The following FAM227B variants were observed in gnomAD, a reference collection of about 807,000 sequenced individuals.
FAM227B encodes the protein protein FAM227B.
In FAM227B, 88 loss-of-function variants were observed where a neutral mutation model predicts 73.8. The ratio of observed to expected loss-of-function variants is 1.19; its 90% CI spans 1.00 to 1.42. The LOEUF is 1.42. FAM227B is among the 40% of genes most tolerant of loss of function. The pLI, the probability that FAM227B is intolerant of heterozygous loss-of-function variation, is 0.00. For synonymous variants in FAM227B, 210 were observed against 190.5 expected, an observed-to-expected ratio of 1.10 and a Z score of -0.84; for missense variants, 632 against 590.9, an observed-to-expected ratio of 1.07 and a Z score of -0.72.
chr15:49,559,819 C>A (rs1403154442), intron 9 of FAM227B, among the ~76,000 whole-genome samples: 1 of 152,008 alleles, frequency 6.6e-6, no homozygotes, highest in Non-Finnish European at 1.5e-5. Flanking sequence ...CCTGTAATCC[C>A]AGATACTCAG....
intron 11 of FAM227B, among the ~76,000 whole-genome samples, chr15:49,489,689 T>C (rs552562592): frequency 7.4e-5 from 11 of 148,688 alleles, no homozygotes; most frequent in Non-Finnish European, 1.6e-4. Context: ...GAATAAGACC[T>C]AAAAAGACTT....
chr15:49,592,868 T>C (rs1227208631), intron 3 of FAM227B, among the ~76,000 whole-genome samples: 3 of 152,144 alleles, frequency 2.0e-5, no homozygotes, highest in Non-Finnish European at 4.4e-5. Flanking sequence ...CCTGCCCACT[T>C]TGTTTACCTA....
chr15:49,471,512 A>AAT (rs1489087779), intron 11 of FAM227B, among the ~76,000 whole-genome samples: 1 of 148,032 alleles, frequency 6.8e-6, no homozygotes, highest in East Asian at 2.0e-4. Flanking sequence ...TAATAATAAT[A>AAT]ATAATAATAA....
chr15:49,396,027 C>T (rs908641589), intron 11 of FAM227B: 4 of 454,244 alleles, frequency 8.8e-6, no homozygotes, highest in African/African-American at 4.0e-5. Context: ...CTCCGGTCTA[C>T]AGCTCCCAGC....
intron 11 of FAM227B, among the ~76,000 whole-genome samples, chr15:49,397,346 T>C (rs1240521039): frequency 2.0e-5 from 3 of 152,064 alleles, no homozygotes; most frequent in Admixed American, 2.0e-4. Flanking sequence ...ATGGGGGCTA[T>C]GTGAAAAGAC....
intron 11 of FAM227B, among the ~76,000 whole-genome samples, chr15:49,439,429 T>TG (rs1004861489): frequency 7.3e-5 from 11 of 151,698 alleles, no homozygotes; most frequent in Non-Finnish European, 1.5e-4. Context: ...TAGTAAAACG[T>TG]GGGGGGAGGG....
intron 11 of FAM227B, among the ~76,000 whole-genome samples, chr15:49,501,215 G>A (rs1958344809): frequency 6.6e-6 from 1 of 152,216 alleles, no homozygotes; most frequent in Non-Finnish European, 1.5e-5. Context: ...GGCTGGAAGA[G>A]TGTGGAAGGC....
intron 11 of FAM227B, among the ~76,000 whole-genome samples, chr15:49,420,857 T>A (rs2049566134): frequency 6.6e-6 from 1 of 152,014 alleles, no homozygotes; most frequent in Non-Finnish European, 1.5e-5. Context: ...AGGCGCCCGC[T>A]ACCATGCCCG....
chr15:49,448,304 C>A (rs1327694371), intron 11 of FAM227B, among the ~76,000 whole-genome samples: 1 of 151,572 alleles, frequency 6.6e-6, no homozygotes, highest in Non-Finnish European at 1.5e-5. Context: ...TTTTCTCCCT[C>A]TTTTCTTTTC....
chr15:49,346,720 C>T (rs1567116452), intron 13 of FAM227B, among the ~76,000 whole-genome samples: 2 of 152,036 alleles, frequency 1.3e-5, no homozygotes, highest in Admixed American at 6.5e-5. Flanking sequence ...CGAAAGTGCC[C>T]ATTATACACA....
intron 11 of FAM227B, among the ~76,000 whole-genome samples, chr15:49,454,642 C>T (rs1160392540): frequency 1.3e-5 from 2 of 152,168 alleles, no homozygotes; most frequent in Non-Finnish European, 2.9e-5. Flanking sequence ...CGAAGTCTCG[C>T]TCTGTCACAC....
chr15:49,368,994 G>A (rs751991303), intron 12 of FAM227B, among the ~76,000 whole-genome samples: 3 of 151,980 alleles, frequency 2.0e-5, no homozygotes, highest in Non-Finnish European at 2.9e-5. Flanking sequence ...TTTTTGAGAC[G>A]GAGTCTCGCT....
At chr15:49,499,431 ATGTT>A (rs897404267) in intron 11 of FAM227B, among the ~76,000 whole-genome samples, 1 of 152,186 alleles carries the variant, frequency 6.6e-6, no homozygotes, top group African/African-American at 2.4e-5. Flanking sequence ...GGCATATTCT[ATGTT>A]TGTGAACTGA....
intron 11 of FAM227B, among the ~76,000 whole-genome samples, chr15:49,396,614 A>G (rs1296488364): frequency 6.6e-6 from 1 of 152,092 alleles, no homozygotes; most frequent in East Asian, 1.9e-4. Flanking sequence ...AGCTTTGAAG[A>G]GAGCAGTGGT....
At chr15:49,373,865 T>G (rs545799069) in intron 11 of FAM227B, among the ~76,000 whole-genome samples, 1 of 152,234 alleles carries the variant, frequency 6.6e-6, no homozygotes, top group African/African-American at 2.4e-5. Context: ...AGAAAAAGTA[T>G]TGCTGATAGA....
intron 11 of FAM227B, among the ~76,000 whole-genome samples, chr15:49,418,799 AG>A (rs66636294): frequency 0.06 from 9,188 of 152,038 alleles, 377 homozygotes; most frequent in East Asian, 0.16. Context: ...AGAAAAAAAA[AG>A]AAATATGTGT....
At chr15:49,449,814 T>A (rs923275659) in intron 11 of FAM227B, among the ~76,000 whole-genome samples, 9 of 125,060 alleles carry the variant, frequency 7.2e-5, no homozygotes, top group African/African-American at 2.5e-4. Flanking sequence ...ATTATAAAGA[T>A]ACATGTAAAC....
chr15:49,472,443 T>C (rs772970191), intron 11 of FAM227B, among the ~76,000 whole-genome samples: 1 of 152,170 alleles, frequency 6.6e-6, no homozygotes, highest in African/African-American at 2.4e-5. Context: ...GAAGTTGCCA[T>C]AGGACACTTC....
At chr15:49,436,148 G>A (rs1355928975) in intron 11 of FAM227B, among the ~76,000 whole-genome samples, 1 of 151,524 alleles carries the variant, frequency 6.6e-6, no homozygotes, top group African/African-American at 2.4e-5. Context: ...ACATGGGCCT[G>A]TTTTACTTCC....
Sources: allele counts gnomAD v4.1 joint callset (sites outside exome capture counted in the v4.1 genomes callset), GRCh38; gene constraint gnomAD v4.1.1; transcripts MANE v1.5; gene names NCBI Gene and HGNC (gene_info 2026-07-23, HGNC 2026-07-21).